KCNH5: variants seen among roughly 807,000 people sequenced by gnomAD.
KCNH5 encodes the protein potassium voltage-gated channel subfamily H member 5, also known as voltage-gated delayed rectifier potassium channel KCNH5.
KCNH5 carries 46 observed loss-of-function variants against 96.1 expected under a neutral mutation model. The observed-to-expected ratio is 0.48, with a 90% CI of 0.38 to 0.61. The LOEUF (loss-of-function observed/expected upper bound fraction) is 0.61. Among genes scored for constraint, KCNH5 ranks in the 20% least tolerant of loss-of-function variants. The probability of loss-of-function intolerance (pLI) is 0.00; values close to 1 mark genes in which losing one functional copy is unlikely to be tolerated. For synonymous variants in KCNH5, 439 were observed against 449.8 expected (o/e 0.98, Z 0.30); for missense variants, 907 against 1,225.8 (o/e 0.74, Z 3.88).
At chr14:62,947,824 ATTTATTT>A (rs1372086693) in intron 7 of KCNH5, among the ~76,000 whole-genome samples, 1 of 151,640 alleles carries the variant, frequency 6.6e-6, no homozygotes, top group African/African-American at 2.4e-5. Context: ...TTATTTATTT[ATTTATTT>A]TTATTATTAT....
In KCNH5 at chr14:62,980,893, A is replaced by G; in HGVS notation, c.921T>C (p.Asn307=). ...TTACCTCATCCACATTTTCAAAGGC[A>G]TTGATGATGTCATAAGGTAAACAAG... ...LLSCLPYDII[N]AFENVDEGIS... is the part of the protein sequence containing the mutation. The change falls in exon 6 of 11, where the codon AAT becomes AAC. Residue 307 remains asparagine (N), a synonymous_variant. Coordinates refer to ENST00000322893, the MANE Select transcript of KCNH5 (RefSeq NM_139318.5). The G allele has an allele frequency of 6.2e-7, 1 of 1,613,980 alleles. No homozygotes were observed. The highest frequency in any genetic ancestry group is 8.5e-7 in the Non-Finnish European group (1 of 1,179,998).
chr14:62,998,826 A>AT (rs1890958067), intron 4 of KCNH5, among the ~76,000 whole-genome samples: 2 of 152,014 alleles, frequency 1.3e-5, no homozygotes, highest in South Asian at 4.1e-4. Flanking sequence ...TAAGATTTAT[A>AT]TTTTTTTAAA....
chr14:62,787,314 T>A (rs1391049948), intron 9 of KCNH5, among the ~76,000 whole-genome samples: 1 of 151,958 alleles, frequency 6.6e-6, no homozygotes, highest in South Asian at 2.1e-4. Flanking sequence ...CAAAGCCAAA[T>A]CCAGAGCAAG....
At chr14:63,017,093 C>A in intron 1 of KCNH5, 139 bp from the exon 2 acceptor site, 1 of 766,956 alleles carries the variant, frequency 1.3e-6, no homozygotes, top group Non-Finnish European at 1.9e-6. Context: ...ATAACCTGTT[C>A]TTGAAACTGA....
intron 1 of KCNH5, among the ~76,000 whole-genome samples, chr14:63,035,643 G>A (rs577095159): frequency 4.0e-4 from 61 of 152,324 alleles, no homozygotes; most frequent in African/African-American, 1.0e-3. Flanking sequence ...TGTTTGGGGC[G>A]AGGATGGACA....
At chr14:62,780,038 G>C in intron 9 of KCNH5, 114 bp from the exon 10 acceptor site, 1 of 731,916 alleles carries the variant, frequency 1.4e-6, no homozygotes, top group Non-Finnish European at 2.1e-6. Flanking sequence ...TAGAGCTGAG[G>C]GTATAACCAC....
intron 7 of KCNH5, among the ~76,000 whole-genome samples, chr14:62,932,813 A>C (rs1889606218): frequency 6.6e-6 from 1 of 152,186 alleles, no homozygotes; most frequent in African/African-American, 2.4e-5. Context: ...TTAGAAGTTC[A>C]AAGACAAAAG....
At chr14:62,885,192 C>T (rs1043866667) in intron 7 of KCNH5, among the ~76,000 whole-genome samples, 1 of 152,180 alleles carries the variant, frequency 6.6e-6, no homozygotes, top group East Asian at 1.9e-4. Flanking sequence ...AAACCCACAA[C>T]TGAAAACCAA....
intron 6 of KCNH5, among the ~76,000 whole-genome samples, chr14:62,968,623 T>C (rs1890347371): frequency 6.6e-6 from 1 of 152,178 alleles, no homozygotes; most frequent in South Asian, 2.1e-4. Context: ...ACAGCTAAGA[T>C]TATGTCACAA....
At chr14:63,019,611 T>C (rs1273388562) in intron 1 of KCNH5, among the ~76,000 whole-genome samples, 4 of 152,012 alleles carry the variant, frequency 2.6e-5, no homozygotes, top group Admixed American at 6.6e-5. Context: ...ATGAATTTTA[T>C]TGAAACAACT....
At chr14:63,001,640 A>G (rs1891013529) in intron 3 of KCNH5, among the ~76,000 whole-genome samples, 181 bp from the exon 4 acceptor site, 1 of 152,252 alleles carries the variant, frequency 6.6e-6, no homozygotes. Flanking sequence ...ATCAACTACC[A>G]GTTGTTCAAA....
intron 10 of KCNH5, among the ~76,000 whole-genome samples, chr14:62,711,766 G>A (rs765214484): frequency 4.6e-5 from 7 of 152,164 alleles, no homozygotes; most frequent in East Asian, 1.9e-4. Context: ...GCCACTGAAC[G>A]TACTCATTTG....
At chr14:62,968,458 A>G (rs1890343963) in intron 6 of KCNH5, among the ~76,000 whole-genome samples, 1 of 152,196 alleles carries the variant, frequency 6.6e-6, no homozygotes, top group African/African-American at 2.4e-5. Flanking sequence ...TAATCCTTAA[A>G]CATGTATGGA....
At chr14:62,921,136 T>C (rs898230032) in intron 7 of KCNH5, among the ~76,000 whole-genome samples, 1 of 152,020 alleles carries the variant, frequency 6.6e-6, no homozygotes, top group African/African-American at 2.4e-5. Context: ...CATCACAGAC[T>C]GGGGAAGCTG....
chr14:62,955,032 C>T (rs577344026), intron 6 of KCNH5, among the ~76,000 whole-genome samples: 2 of 151,214 alleles, frequency 1.3e-5, no homozygotes, highest in East Asian at 3.9e-4. Flanking sequence ...CAAACCATAT[C>T]ACTAGGTCAC....
chr14:62,918,488 G>A (rs1406967288), intron 7 of KCNH5, among the ~76,000 whole-genome samples: 1 of 151,946 alleles, frequency 6.6e-6, no homozygotes, highest in African/African-American at 2.4e-5. Context: ...TAAACGAAAG[G>A]CTTATATCGC....
At chr14:62,845,557 C>T (rs1287138315) in intron 8 of KCNH5, among the ~76,000 whole-genome samples, 1 of 152,066 alleles carries the variant, frequency 6.6e-6, no homozygotes, top group Non-Finnish European at 1.5e-5. Context: ...GGTGGAAGCA[C>T]CGGCCAGTTA....
At chr14:62,734,382 T>G (rs1180461781) in intron 10 of KCNH5, among the ~76,000 whole-genome samples, 3 of 152,224 alleles carry the variant, frequency 2.0e-5, no homozygotes, top group African/African-American at 7.2e-5. Flanking sequence ...GGAACTCTCA[T>G]GCCTATGGTT....
chr14:63,004,527 A>T (rs1486840647), intron 3 of KCNH5, among the ~76,000 whole-genome samples: 1 of 152,264 alleles, frequency 6.6e-6, no homozygotes, highest in Non-Finnish European at 1.5e-5. Flanking sequence ...ACTACCTTGG[A>T]AAGACTTCTG....
Sources: allele counts gnomAD v4.1 joint callset (sites outside exome capture counted in the v4.1 genomes callset), GRCh38; gene constraint gnomAD v4.1.1; transcripts MANE v1.5; gene names NCBI Gene and HGNC (gene_info 2026-07-23, HGNC 2026-07-21).